Variants in PLXDC2 observed in about 807,000 individuals in gnomAD.
PLXDC2 encodes plexin domain-containing protein 2.
In PLXDC2, 40 loss-of-function variants were observed where a neutral mutation model predicts 68.9. That is an observed-to-expected ratio of 0.58 (90% CI 0.45 to 0.76). The LOEUF (loss-of-function observed/expected upper bound fraction) is 0.76. PLXDC2 is among the 30% of genes least tolerant of loss of function. PLXDC2 has a pLI of 0.00. For synonymous variants in PLXDC2, 243 were observed against 234.2 expected (o/e 1.04, Z -0.34); for missense variants, 644 against 661.9 (o/e 0.97, Z 0.30).
At chr10:19,887,808 A>G (rs1837877226) in intron 1 of PLXDC2, among the ~76,000 whole-genome samples, 1 of 152,234 alleles carries the variant, frequency 6.6e-6, no homozygotes, top group South Asian at 2.1e-4. Context: ...TTGACACATA[A>G]GTAAGAGTAA....
At chr10:20,135,789 G>C (rs954297287) in intron 4 of PLXDC2, among the ~76,000 whole-genome samples, 3 of 152,118 alleles carry the variant, frequency 2.0e-5, no homozygotes, top group Admixed American at 2.0e-4. Flanking sequence ...ATAATCCCCA[G>C]TGGTGCCAAT....
At chr10:20,004,906 G>A (rs1835001973) in intron 2 of PLXDC2, among the ~76,000 whole-genome samples, 1 of 152,176 alleles carries the variant, frequency 6.6e-6, no homozygotes, top group South Asian at 2.1e-4. Context: ...CCAGGGGACT[G>A]TTTGGTGGGT....
At chr10:19,882,505 T>C (rs1158567130) in intron 1 of PLXDC2, among the ~76,000 whole-genome samples, 3 of 152,226 alleles carry the variant, frequency 2.0e-5, no homozygotes, top group Non-Finnish European at 4.4e-5. Context: ...GACCCAGGAC[T>C]TAAATCCAGT....
At chr10:20,183,303 A>G (rs1462563331) in intron 9 of PLXDC2, among the ~76,000 whole-genome samples, 1 of 151,962 alleles carries the variant, frequency 6.6e-6, no homozygotes, top group Non-Finnish European at 1.5e-5. Flanking sequence ...TGGAGAGAGT[A>G]TAAATTGAAA....
chr10:20,131,838 C>G (rs376489199), intron 4 of PLXDC2, among the ~76,000 whole-genome samples: 2 of 151,930 alleles, frequency 1.3e-5, no homozygotes, highest in East Asian at 3.9e-4. Context: ...CATATATATT[C>G]TGATCTTTTT....
chr10:19,820,485 T>A (rs1043550786), intron 1 of PLXDC2, among the ~76,000 whole-genome samples: 5 of 150,178 alleles, frequency 3.3e-5, no homozygotes, highest in African/African-American at 1.2e-4. Flanking sequence ...CAAAAAAAAA[T>A]TAGCCGGGCG....
intron 3 of PLXDC2, among the ~76,000 whole-genome samples, chr10:20,051,332 A>ATAACATC (rs1256006264): frequency 1.3e-5 from 2 of 150,376 alleles, no homozygotes; most frequent in Non-Finnish European, 3.0e-5. Flanking sequence ...ACAAATTCCT[A>ATAACATC]TAACATCAGT....
intron 1 of PLXDC2, among the ~76,000 whole-genome samples, chr10:19,911,135 G>T (rs1833264559): frequency 6.6e-6 from 1 of 151,976 alleles, no homozygotes; most frequent in Non-Finnish European, 1.5e-5. Context: ...GTATTACCTG[G>T]TGTTAACCTT....
chr10:19,853,088 A>G (rs556208153), intron 1 of PLXDC2, among the ~76,000 whole-genome samples: 1 of 152,354 alleles, frequency 6.6e-6, no homozygotes, highest in South Asian at 2.1e-4. Context: ...AATAAAGGTT[A>G]CAGATAAAGA....
intron 1 of PLXDC2, among the ~76,000 whole-genome samples, chr10:19,927,417 A>G (rs1833554748): frequency 1.3e-5 from 2 of 152,094 alleles, no homozygotes; most frequent in African/African-American, 4.8e-5. Flanking sequence ...AAAGCAAGGA[A>G]TTGGCTGGGC....
chr10:20,097,457 T>C (rs142111935), intron 4 of PLXDC2, among the ~76,000 whole-genome samples: 105 of 152,382 alleles, frequency 6.9e-4, no homozygotes, highest in African/African-American at 2.5e-3. Flanking sequence ...AACTTGTTTC[T>C]GTAGGGAAAT....
rs755916362 is a variant in PLXDC2, at chr10:19,915,847, T to A, written c.113-85928T>A. 6.1e-5 allele frequency among the ~76,000 whole-genome samples: 9 copies of A among 146,570 alleles called. No individual in the cohort carries two copies. The South Asian group carries it at 6.5e-4, about 11-fold the overall frequency. ...CCCTATACTTTTAAAAATTTATTCA[T>A]GTTAAACCAAAAAAAAAGAAGAAGA... On this transcript the variant is annotated intron_variant, in intron 1 of 13. Coordinates refer to ENST00000377252, the MANE Select transcript of PLXDC2 (RefSeq NM_032812.9).
intron 2 of PLXDC2, among the ~76,000 whole-genome samples, chr10:20,029,114 C>T (rs933091772): frequency 2.0e-5 from 3 of 152,062 alleles, no homozygotes; most frequent in African/African-American, 7.2e-5. Context: ...TTTTCCAGGG[C>T]CAGGTTTAAT....
In PLXDC2 at chr10:19,859,177, A is replaced by T. The variant is rs530147683; in HGVS notation, c.112+41986A>T. ...TGAGGGATCTGACCTCAGGATCCAA[A>T]CACCTCCCACCAGGCCCCACCTCCA... On this transcript the variant is annotated intron_variant, in intron 1 of 13. Transcript: ENST00000377252. Among the ~76,000 whole-genome samples, 84 of 152,258 alleles carry T rather than the reference A, an allele frequency of 5.5e-4. No homozygotes were observed. In the South Asian group the frequency reaches 0.014, roughly 25 times the overall value.
At chr10:20,075,814 G>A (rs994120572) in intron 4 of PLXDC2, among the ~76,000 whole-genome samples, 2 of 152,178 alleles carry the variant, frequency 1.3e-5, no homozygotes, top group Admixed American at 1.3e-4. Context: ...TGGATCAGCT[G>A]AGACAAGGGT....
intron 9 of PLXDC2, among the ~76,000 whole-genome samples, chr10:20,181,211 G>A (rs944747040): frequency 1.3e-5 from 2 of 152,008 alleles, no homozygotes; most frequent in African/African-American, 4.8e-5. Context: ...TTTGAAGAGA[G>A]CATGGTTTGA....
chr10:20,270,022 T>TAAAATA (rs141298388), intron 13 of PLXDC2, among the ~76,000 whole-genome samples: 8,417 of 27,028 alleles, frequency 0.31, 355 homozygotes, highest in Middle Eastern at 0.5. Context: ...CATCAAAAAA[T>TAAAATA]AAAATAAAAT....
At chr10:19,883,102 G>A (rs945333783) in intron 1 of PLXDC2, among the ~76,000 whole-genome samples, 32 of 151,618 alleles carry the variant, frequency 2.1e-4, no homozygotes, top group African/African-American at 6.8e-4. Flanking sequence ...GACTACAGGC[G>A]CCCGCCACCA....
chr10:20,251,246 C>G (rs529779788), intron 13 of PLXDC2, among the ~76,000 whole-genome samples: 1 of 152,248 alleles, frequency 6.6e-6, no homozygotes, highest in Admixed American at 6.5e-5. Flanking sequence ...AGTTATGTGT[C>G]TAGCTTTTCA....
Sources: gnomAD v4.1 joint callset for allele counts (sites outside exome capture counted in the v4.1 genomes callset) on GRCh38, gnomAD v4.1.1 for gene constraint, MANE v1.5 for transcripts, NCBI Gene and HGNC (gene_info 2026-07-23, HGNC 2026-07-21) for gene names.